COP1: variants seen among roughly 807,000 people sequenced by gnomAD.
The protein encoded by COP1 is E3 ubiquitin-protein ligase COP1.
In COP1, 24 loss-of-function variants were observed where a neutral mutation model predicts 101.3. The ratio of observed to expected loss-of-function variants is 0.24; its 90% CI spans 0.17 to 0.33. The LOEUF is 0.33. COP1 is among the 10% of genes least tolerant of loss of function. COP1 has a pLI of 1.00. For synonymous variants in COP1, 347 were observed against 341.9 expected, an observed-to-expected ratio of 1.01 and a Z score of -0.17; for missense variants, 663 against 906.2, an observed-to-expected ratio of 0.73 and a Z score of 3.45.
chr1:176,206,319 T>C, intron 1 of COP1: 1 of 512,644 alleles, frequency 2.0e-6, no homozygotes, highest in South Asian at 2.6e-5. Flanking sequence ...TTAAACTCCC[T>C]TCACTTCCTC....
chr1:176,006,828 TG>T (rs1223398143), intron 15 of COP1, among the ~76,000 whole-genome samples: 4 of 152,132 alleles, frequency 2.6e-5, no homozygotes, highest in African/African-American at 9.6e-5. Flanking sequence ...TTATGTGTCT[TG>T]GAGTTGCTCT....
intron 11 of COP1, among the ~76,000 whole-genome samples, chr1:176,080,946 G>A (rs971927989): frequency 6.6e-6 from 1 of 152,132 alleles, no homozygotes; most frequent in African/African-American, 2.4e-5. Context: ...ACAACCTTAT[G>A]AGAAGGATAC....
At chr1:176,066,357 T>C (rs1253508266) in intron 11 of COP1, among the ~76,000 whole-genome samples, 1 of 152,140 alleles carries the variant, frequency 6.6e-6, no homozygotes, top group Non-Finnish European at 1.5e-5. Context: ...TGTCAACTTA[T>C]TCCACAGGCC....
intron 14 of COP1, among the ~76,000 whole-genome samples, chr1:176,034,680 GCA>G (rs1281898149): frequency 2.0e-5 from 3 of 152,154 alleles, no homozygotes; most frequent in African/African-American, 7.2e-5. Context: ...GCATTCACTG[GCA>G]CAGTCACTTC....
intron 10 of COP1, 97 bp downstream of exon 10, chr1:176,085,679 G>C (rs901711288): frequency 6.3e-5 from 37 of 584,570 alleles, no homozygotes; most frequent in African/African-American, 5.4e-4. Context: ...ACATACTTTT[G>C]CTTTGCAATT....
At chr1:176,141,857 A>C (rs575881164) in intron 6 of COP1, among the ~76,000 whole-genome samples, 12 of 151,962 alleles carry the variant, frequency 7.9e-5, no homozygotes, top group Admixed American at 2.6e-4. Flanking sequence ...CAGCCTCCCA[A>C]GTAGCGGGGA....
At chr1:176,073,984 T>C (rs1183342692) in intron 11 of COP1, among the ~76,000 whole-genome samples, 2 of 152,210 alleles carry the variant, frequency 1.3e-5, no homozygotes, top group Admixed American at 1.3e-4. Flanking sequence ...TGTTGCCCAG[T>C]GCAGTGATCT....
At chr1:175,975,108 G>C (rs1053866612) in intron 18 of COP1, among the ~76,000 whole-genome samples, 2 of 152,074 alleles carry the variant, frequency 1.3e-5, no homozygotes, top group Admixed American at 1.3e-4. Context: ...CACCTATTCA[G>C]AGCCAACAGT....
intron 15 of COP1, among the ~76,000 whole-genome samples, chr1:176,007,886 C>G (rs982854718): frequency 1.3e-5 from 2 of 152,240 alleles, no homozygotes; most frequent in East Asian, 3.9e-4. Context: ...TTCCAGCTTC[C>G]TGGCTGCTTT....
At chr1:176,079,817 C>T (rs978446345) in intron 11 of COP1, among the ~76,000 whole-genome samples, 4 of 151,942 alleles carry the variant, frequency 2.6e-5, no homozygotes, top group African/African-American at 9.7e-5. Context: ...GGAATTAGTC[C>T]ATTCTCTCCA....
intron 15 of COP1, among the ~76,000 whole-genome samples, chr1:175,991,351 T>C (rs552045694): frequency 6.6e-6 from 1 of 152,132 alleles, no homozygotes; most frequent in Non-Finnish European, 1.5e-5. Flanking sequence ...TATCTAAATA[T>C]AGAAAAGCTA....
rs11428035 is a variant in COP1, at chr1:176,086,227, CT to C, written c.1027-338del. Reference sequence around the variant, plus strand: ...AAAATTTAGAATTTTGGGAATCTTTCTTTTTTTTTTTTTTTTGAGATGGAGT... The same window carrying C: ...AAAATTTAGAATTTTGGGAATCTTTCTTTTTTTTTTTTTTTGAGATGGAGT... On this transcript the variant is annotated intron_variant, in intron 9 of 19. Transcript: ENST00000367669. Among the ~76,000 whole-genome samples the C allele has an allele frequency of 2.4e-3, 318 of 135,034 alleles. 2 individuals are homozygous for C. The highest frequency in any genetic ancestry group is 7.5e-3 in the African/African-American group (275 of 36,520). The allele number at this position is 135,034 out of a possible 152,430, so 88.6% of individuals were successfully genotyped here. A position where few individuals can be genotyped will look rare whatever the true frequency, so the allele number is the denominator to read the frequency against.
chr1:175,953,791 A>G (rs946924336), intron 18 of COP1, among the ~76,000 whole-genome samples: 8 of 152,022 alleles, frequency 5.3e-5, no homozygotes, highest in African/African-American at 1.9e-4. Context: ...TCCTATATAC[A>G]TATATATCTA....
At chr1:176,030,291 T>C (rs911516998) in intron 14 of COP1, among the ~76,000 whole-genome samples, 2 of 152,174 alleles carry the variant, frequency 1.3e-5, no homozygotes, top group African/African-American at 2.4e-5. Context: ...AAAGTCAACA[T>C]GCCGAACATA....
At chr1:176,089,986 T>C (rs1167297413) in intron 9 of COP1, among the ~76,000 whole-genome samples, 1 of 151,950 alleles carries the variant, frequency 6.6e-6, no homozygotes, top group Non-Finnish European at 1.5e-5. Context: ...TAACTGAGAG[T>C]CCAGCCTAAT....
intron 1 of COP1, among the ~76,000 whole-genome samples, chr1:176,198,346 A>C (rs1299629957): frequency 1.3e-5 from 2 of 152,170 alleles, no homozygotes; most frequent in Non-Finnish European, 2.9e-5. Flanking sequence ...TATATGGTTA[A>C]TTTTTGAGAA....
intron 2 of COP1, among the ~76,000 whole-genome samples, chr1:176,181,845 AAAAAAAACCAAACAAATAAAC>A (rs1431795813): frequency 2.8e-4 from 42 of 152,150 alleles, no homozygotes; most frequent in Non-Finnish European, 5.4e-4. Context: ...CCATCTCAAA[AAAAAAAACCAAACAAATAAAC>A]AAAAAAACAC....
chr1:176,115,018 G>GA (rs1415192432), intron 9 of COP1, among the ~76,000 whole-genome samples: 1 of 152,182 alleles, frequency 6.6e-6, no homozygotes, highest in Non-Finnish European at 1.5e-5. Context: ...ATAGGTAAAA[G>GA]AAAGGCTGAA....
At chr1:176,007,966 T>A (rs781524269) in intron 15 of COP1, among the ~76,000 whole-genome samples, 12 of 152,098 alleles carry the variant, frequency 7.9e-5, no homozygotes, top group Non-Finnish European at 1.3e-4. Flanking sequence ...TGCAGTTTGA[T>A]CTCAGACTGC....
Sources: gnomAD v4.1 joint callset for allele counts (sites outside exome capture counted in the v4.1 genomes callset) on GRCh38, gnomAD v4.1.1 for gene constraint, MANE v1.5 for transcripts, NCBI Gene and HGNC (gene_info 2026-07-23, HGNC 2026-07-21) for gene names.